The following NRG3 variants were observed in gnomAD, a reference collection of about 807,000 sequenced individuals.
NRG3 encodes neuregulin 3.
A neutral mutation model predicts 66.9 loss-of-function variants in NRG3; 31 were observed. The observed-to-expected ratio is 0.46, with a 90% CI of 0.35 to 0.63. The LOEUF is 0.63. Ranked by LOEUF, NRG3 falls within the 20% of genes least tolerant of loss-of-function variation. The pLI is 0.00. For missense variants in NRG3, 910 were observed against 878.9 expected (o/e 1.04, Z -0.45); for synonymous variants, 393 against 359.4 (o/e 1.09, Z -1.06).
chr10:82,864,322 A>T (rs537776006), intron 3 of NRG3, among the ~76,000 whole-genome samples: 42 of 152,190 alleles, frequency 2.8e-4, no homozygotes, highest in South Asian at 2.3e-3. Flanking sequence ...GTATATATAT[A>T]TTTTTTTCCA....
chr10:82,124,364 A>T (rs536405334), intron 1 of NRG3, among the ~76,000 whole-genome samples: 1 of 152,192 alleles, frequency 6.6e-6, no homozygotes, highest in South Asian at 2.1e-4. Flanking sequence ...ATTTTGTGAA[A>T]ATCCACACCT....
chr10:82,876,141 G>A (rs1278283636), intron 4 of NRG3, among the ~76,000 whole-genome samples: 1 of 152,166 alleles, frequency 6.6e-6, no homozygotes, highest in Non-Finnish European at 1.5e-5. Flanking sequence ...TGAACTATTG[G>A]CAAAAGCAGT....
intron 3 of NRG3, among the ~76,000 whole-genome samples, chr10:82,757,517 T>C (rs945281141): frequency 6.6e-6 from 1 of 151,930 alleles, no homozygotes; most frequent in African/African-American, 2.4e-5. Flanking sequence ...GGAGAAAACA[T>C]CCATGGAAAA....
intron 1 of NRG3, among the ~76,000 whole-genome samples, chr10:82,333,659 T>C (rs2082249117): frequency 6.6e-6 from 1 of 152,224 alleles, no homozygotes; most frequent in Admixed American, 6.5e-5. Context: ...TTAGCAATTT[T>C]AGTTCCTGGA....
At chr10:82,744,595 T>C (rs1449508607) in intron 3 of NRG3, among the ~76,000 whole-genome samples, 3 of 152,286 alleles carry the variant, frequency 2.0e-5, no homozygotes, top group African/African-American at 7.2e-5. Context: ...TTTCAGACCA[T>C]AGCATCTACC....
At chr10:82,738,541 A>G (rs765674105) in intron 2 of NRG3, 36 bp from the exon 3 acceptor site, 1 of 1,540,490 alleles carries the variant, frequency 6.5e-7, no homozygotes, top group Non-Finnish European at 9.0e-7. Flanking sequence ...TTTCACAACC[A>G]CATGCGTATG....
At chr10:82,588,403 C>T (rs2046793500) in intron 2 of NRG3, among the ~76,000 whole-genome samples, 1 of 152,158 alleles carries the variant, frequency 6.6e-6, no homozygotes, top group Non-Finnish European at 1.5e-5. Context: ...CTTGCTCCCC[C>T]TTTGCCTTCC....
chr10:82,740,810 C>G (rs2058385446), intron 3 of NRG3, among the ~76,000 whole-genome samples: 1 of 109,280 alleles, frequency 9.2e-6, no homozygotes. Flanking sequence ...GGTGACAGAG[C>G]AAGACTCTGT....
intron 4 of NRG3, among the ~76,000 whole-genome samples, chr10:82,936,843 G>C (rs1848117881): frequency 6.6e-6 from 1 of 152,096 alleles, no homozygotes; most frequent in Admixed American, 6.6e-5. Flanking sequence ...GGCAGTGGAG[G>C]GGCAGGGATA....
At chr10:82,116,603 A>AT (rs2132307354) in intron 1 of NRG3, among the ~76,000 whole-genome samples, 1 of 152,224 alleles carries the variant, frequency 6.6e-6, no homozygotes, top group African/African-American at 2.4e-5. Flanking sequence ...AAGAGCCTAT[A>AT]TTTTTTATTT....
chr10:82,034,343 G>A (rs1325795096), intron 1 of NRG3, among the ~76,000 whole-genome samples: 11 of 151,960 alleles, frequency 7.2e-5, no homozygotes, highest in Non-Finnish European at 1.5e-5. Context: ...ATATATGTTG[G>A]CACCTGTATG....
intron 2 of NRG3, among the ~76,000 whole-genome samples, chr10:82,705,908 G>A (rs866600852): frequency 3.3e-5 from 5 of 152,162 alleles, no homozygotes; most frequent in African/African-American, 7.2e-5. Context: ...AAACACTTAA[G>A]TTATCATTTA....
intron 2 of NRG3, among the ~76,000 whole-genome samples, chr10:82,646,651 A>G (rs555236062): frequency 2.0e-5 from 3 of 152,326 alleles, no homozygotes; most frequent in East Asian, 3.9e-4. Context: ...AATAGGGAAG[A>G]GAGTCTATTG....
In NRG3 at chr10:81,928,164, G is replaced by A. The variant is rs187868493; in HGVS notation, c.823+52001G>A. On this transcript the variant is annotated intron_variant, in intron 1 of 8. Coordinates refer to ENST00000372141, the MANE Select transcript of NRG3 (RefSeq NM_001010848.4). ...AACCACTTTGTGAAACAGTTTATCT[G>A]CTGGTTATTTTTAAAGGAAGTAACA... Among the ~76,000 whole-genome samples, 7 of 152,280 alleles carry A rather than the reference G, an allele frequency of 4.6e-5. 1 individual carries two copies. Among genetic ancestry groups the A allele is most frequent in the Admixed American group, 4.6e-4 (7 of 15,294 alleles).
intron 2 of NRG3, among the ~76,000 whole-genome samples, chr10:82,660,891 G>A (rs2052303977): frequency 6.6e-6 from 1 of 151,780 alleles, no homozygotes; most frequent in African/African-American, 2.4e-5. Flanking sequence ...GTTTTTTTAT[G>A]TCCTCCCTCC....
At chr10:81,878,201 AAG>A (rs1380396524) in intron 1 of NRG3, 4 of 965,084 alleles carry the variant, frequency 4.1e-6, no homozygotes, top group Non-Finnish European at 4.4e-6. Context: ...CCCCAAGGAA[AAG>A]AGGGGAAAAA....
intron 2 of NRG3, among the ~76,000 whole-genome samples, chr10:82,671,349 A>G (rs578215876): frequency 1.3e-5 from 2 of 152,294 alleles, no homozygotes; most frequent in South Asian, 2.1e-4. Flanking sequence ...AGCCCAGAGT[A>G]TCTGGTCTGT....
At chr10:82,467,671 G>A (rs1457171410) in intron 2 of NRG3, among the ~76,000 whole-genome samples, 1 of 152,154 alleles carries the variant, frequency 6.6e-6, no homozygotes, top group Non-Finnish European at 1.5e-5. Flanking sequence ...ACTCACTGGT[G>A]ACTTGTGACG....
At chr10:82,148,717 T>G (rs974646342) in intron 1 of NRG3, among the ~76,000 whole-genome samples, 1 of 152,156 alleles carries the variant, frequency 6.6e-6, no homozygotes, top group African/African-American at 2.4e-5. Context: ...ATTCTCACCT[T>G]GGGAATCACT....
Sources: gnomAD v4.1 joint callset for allele counts (sites outside exome capture counted in the v4.1 genomes callset) on GRCh38, gnomAD v4.1.1 for gene constraint, MANE v1.5 for transcripts, NCBI Gene and HGNC (gene_info 2026-07-23, HGNC 2026-07-21) for gene names.